Variants in ENPEP observed in about 807,000 individuals in gnomAD.
ENPEP encodes the protein glutamyl aminopeptidase.
ENPEP carries 103 observed loss-of-function variants against 114.5 expected under a neutral mutation model. The observed-to-expected ratio is 0.90, with a 90% CI of 0.77 to 1.06. The LOEUF (loss-of-function observed/expected upper bound fraction) is 1.06. Among genes scored for constraint, ENPEP ranks in the 50% least tolerant of loss-of-function variants. The probability of loss-of-function intolerance (pLI) is 0.00; values close to 1 mark genes in which losing one functional copy is unlikely to be tolerated. For synonymous variants in ENPEP, 420 were observed against 422.0 expected, an observed-to-expected ratio of 1.00 and a Z score of 0.06; for missense variants, 1,196 against 1,161.3, an observed-to-expected ratio of 1.03 and a Z score of -0.43.
rs76227955 is a variant in ENPEP, at chr4:110,506,383, C to T, written c.919-254C>T. On this transcript the variant is annotated intron_variant, in intron 3 of 19. Transcript: ENST00000265162. ...ACATCATGCCAACCATTGTGTCTTACATTATTTCTAGTCATTAAAATCACT... is the reference window on the plus strand; with the variant it reads ...ACATCATGCCAACCATTGTGTCTTATATTATTTCTAGTCATTAAAATCACT... 9.5e-4 allele frequency: 349 copies of T among 366,792 alleles called. 3 individuals carry two copies. In the East Asian group the frequency reaches 0.016, roughly 16 times the overall value. The allele number at this position is 366,792 out of a possible 1,614,324, so 22.7% of individuals were successfully genotyped here.
intron 6 of ENPEP, chr4:110,513,052 A>G (rs1307702924): frequency 6.4e-6 from 1 of 157,464 alleles, no homozygotes; most frequent in Admixed American, 6.5e-5. Flanking sequence ...ACCTCTCTTA[A>G]TTCTTAGACC....
intron 18 of ENPEP, among the ~76,000 whole-genome samples, chr4:110,558,717 A>T (rs1727578051): frequency 6.6e-6 from 1 of 152,200 alleles, no homozygotes; most frequent in Non-Finnish European, 1.5e-5. Context: ...CACTGTGATT[A>T]GTTGTGATGA....
At chr4:110,545,467 A>G (rs1727020726) in intron 13 of ENPEP, among the ~76,000 whole-genome samples, 1 of 152,036 alleles carries the variant, frequency 6.6e-6, no homozygotes, top group African/African-American at 2.4e-5. Flanking sequence ...AGCTTAGGCC[A>G]GGTTCAGGCC....
At chr4:110,558,500 G>T (rs1560572589) in intron 18 of ENPEP, among the ~76,000 whole-genome samples, 2 of 151,888 alleles carry the variant, frequency 1.3e-5, no homozygotes, top group Non-Finnish European at 2.9e-5. Context: ...TCACCATGTT[G>T]CCCAGGGTGG....
intron 1 of ENPEP, among the ~76,000 whole-genome samples, chr4:110,479,250 C>A (rs755913386): frequency 2.0e-5 from 3 of 152,040 alleles, no homozygotes; most frequent in Non-Finnish European, 2.9e-5. Context: ...ACAAATGATT[C>A]GATGGATACA....
chr4:110,506,614 A>T (rs1040963765), intron 3 of ENPEP, 23 bp from the exon 4 acceptor site: 3 of 1,575,798 alleles, frequency 1.9e-6, no homozygotes, highest in Non-Finnish European at 2.6e-6. Context: ...TTTTCACTGA[A>T]TTTTTTGTGT....
intron 1 of ENPEP, among the ~76,000 whole-genome samples, chr4:110,487,905 A>C (rs553663268): frequency 6.6e-6 from 1 of 152,328 alleles, no homozygotes; most frequent in South Asian, 2.1e-4. Context: ...CCATAAAAAA[A>C]AATGCTGCTC....
intron 4 of ENPEP, among the ~76,000 whole-genome samples, chr4:110,508,865 T>C (rs1445508141): frequency 6.6e-6 from 1 of 152,236 alleles, no homozygotes; most frequent in Non-Finnish European, 1.5e-5. Flanking sequence ...TTCTCTTATA[T>C]GTTAAGTGAA....
intron 3 of ENPEP, among the ~76,000 whole-genome samples, chr4:110,494,651 G>C (rs935605041): frequency 9.2e-5 from 14 of 152,124 alleles, no homozygotes; most frequent in African/African-American, 3.1e-4. Context: ...CTTTAGAGTT[G>C]AGCCATTCAT....
rs1724128005 is a variant in ENPEP, at chr4:110,476,828, G to A, written c.414G>A (p.Glu138=). Residue 138 remains glutamate (E), a synonymous_variant, in exon 1 of 20, where the codon GAG becomes GAA. Coordinates refer to ENST00000265162, the MANE Select transcript of ENPEP (RefSeq NM_001977.4). Reference sequence around the variant, plus strand: ...GGTACCTGTGGCTGCACCTCCGGGAGACCAGGATCACCCGGCTCCCGGAGC... The same window carrying A: ...GGTACCTGTGGCTGCACCTCCGGGAAACCAGGATCACCCGGCTCCCGGAGC... ...PTRYLWLHLR[E]TRITRLPELK... The A allele has an allele frequency of 6.2e-7, 1 of 1,614,150 alleles. No homozygotes were observed. Among genetic ancestry groups the A allele is most frequent in the Non-Finnish European group, 8.5e-7 (1 of 1,180,016 alleles).
intron 1 of ENPEP, among the ~76,000 whole-genome samples, 193 bp from the exon 2 acceptor site, chr4:110,488,348 T>A (rs1478293333): frequency 1.3e-5 from 2 of 152,352 alleles, no homozygotes; most frequent in South Asian, 2.1e-4. Context: ...CAGAATTTTT[T>A]AAAAATTTGT....
At chr4:110,521,452 A>G (rs1206247065) in intron 10 of ENPEP, among the ~76,000 whole-genome samples, 1 of 151,890 alleles carries the variant, frequency 6.6e-6, no homozygotes, top group African/African-American at 2.4e-5. Context: ...TCCCTTCTCG[A>G]TAATAGAGAG....
At chr4:110,550,963 G>A (rs376047582) in intron 17 of ENPEP, among the ~76,000 whole-genome samples, 3 of 151,754 alleles carry the variant, frequency 2.0e-5, no homozygotes, top group Non-Finnish European at 2.9e-5. Context: ...TCAAGAACTC[G>A]ATCATCTTGG....
chr4:110,486,057 C>T (rs561798850), intron 1 of ENPEP, among the ~76,000 whole-genome samples: 4 of 152,222 alleles, frequency 2.6e-5, no homozygotes, highest in African/African-American at 9.6e-5. Flanking sequence ...AACTTTCACC[C>T]CCTGGATTTG....
intron 1 of ENPEP, among the ~76,000 whole-genome samples, chr4:110,478,531 A>T (rs1488497445): frequency 6.6e-6 from 1 of 152,202 alleles, no homozygotes; most frequent in Non-Finnish European, 1.5e-5. Flanking sequence ...ATTGCATTAT[A>T]TCTGTCTATC....
chr4:110,556,602 T>A (rs543102276), intron 18 of ENPEP, among the ~76,000 whole-genome samples: 2 of 151,922 alleles, frequency 1.3e-5, no homozygotes, highest in East Asian at 3.9e-4. Context: ...TTGTTTTTTT[T>A]AATGTCCTTG....
chr4:110,553,447 A>G lies in ENPEP; in HGVS notation c.2634A>G (p.Leu878=). The change falls in exon 18 of 20, where the codon CTA becomes CTG. Residue 878 remains leucine, a synonymous_variant. Transcript: ENST00000265162. ...GGATACAACTCAACTGGGACTATCT[A>G]GTCAACAGGTGGGATGATCTGATGA... ...WNWIQLNWDY[L]VNRYTLNNRN... The G allele has an allele frequency of 5.6e-6, 9 of 1,608,684 alleles. No homozygotes were observed. The highest frequency in any genetic ancestry group is 7.6e-6 in the Non-Finnish European group (9 of 1,176,542).
intron 11 of ENPEP, among the ~76,000 whole-genome samples, chr4:110,534,775 C>G (rs1267486329): frequency 6.6e-6 from 1 of 151,566 alleles, no homozygotes; most frequent in Non-Finnish European, 1.5e-5. Context: ...TCCCAAAGTG[C>G]TGGGATTATA....
At chr4:110,503,002 C>A (rs1725219382) in intron 3 of ENPEP, among the ~76,000 whole-genome samples, 1 of 151,888 alleles carries the variant, frequency 6.6e-6, no homozygotes, top group Non-Finnish European at 1.5e-5. Context: ...TGTGCTGCAC[C>A]CATTAACTCG....
Sources: allele counts gnomAD v4.1 joint callset (sites outside exome capture counted in the v4.1 genomes callset), GRCh38; gene constraint gnomAD v4.1.1; transcripts MANE v1.5; gene names NCBI Gene and HGNC (gene_info 2026-07-23, HGNC 2026-07-21).